HIVEP1: variants seen among roughly 807,000 people sequenced by gnomAD.
HIVEP1 encodes the protein HIVEP zinc finger 1, also known as zinc finger protein 40.
A neutral mutation model predicts 180.0 loss-of-function variants in HIVEP1; 36 were observed. The observed-to-expected ratio is 0.20, with a 90% CI of 0.15 to 0.26. The LOEUF (loss-of-function observed/expected upper bound fraction) is 0.26. Ranked by LOEUF, HIVEP1 falls within the 10% of genes least tolerant of loss-of-function variation. HIVEP1 has a pLI of 1.00. For missense variants in HIVEP1, 3,143 were observed against 3,268.7 expected (o/e 0.96, Z 0.94); for synonymous variants, 1,239 against 1,239.0 (o/e 1.00, Z 0.00).
At chr6:12,144,575 A>T (rs1242418511) in intron 7 of HIVEP1, among the ~76,000 whole-genome samples, 1 of 152,206 alleles carries the variant, frequency 6.6e-6, no homozygotes, top group African/African-American at 2.4e-5. Flanking sequence ...CTACCATCAG[A>T]GTGAACAGGC....
At chr6:12,129,957 C>A in intron 5 of HIVEP1, 65 bp downstream of exon 5, 1 of 1,149,326 alleles carries the variant, frequency 8.7e-7, no homozygotes, top group Non-Finnish European at 1.3e-6. Context: ...CATTTGCTTT[C>A]ATGTGAATGA....
At chr6:12,190,302 T>A in the HIVEP1 span, among the ~76,000 whole-genome samples, 1 of 152,230 alleles carries the variant, frequency 6.6e-6, no homozygotes, top group Admixed American at 6.5e-5. Context: ...AATAAGCGGG[T>A]AGAAACATTT....
chr6:12,191,823 C>G, the HIVEP1 span, among the ~76,000 whole-genome samples: 1 of 152,072 alleles, frequency 6.6e-6, no homozygotes, highest in Non-Finnish European at 1.5e-5. Context: ...ATGCTCACTA[C>G]GAAAACACAA....
the HIVEP1 span, among the ~76,000 whole-genome samples, chr6:12,190,577 G>A: frequency 6.6e-6 from 1 of 151,964 alleles, no homozygotes; most frequent in Non-Finnish European, 1.5e-5. Flanking sequence ...TATTCTTTTG[G>A]CTTTGGTGGT....
At chr6:12,175,824 T>C in the HIVEP1 span, among the ~76,000 whole-genome samples, 1 of 152,184 alleles carries the variant, frequency 6.6e-6, no homozygotes, top group Non-Finnish European at 1.5e-5. Context: ...GAGATCTTTG[T>C]AGATGACGCG....
At chr6:12,059,991 T>C (rs974572653) in intron 2 of HIVEP1, among the ~76,000 whole-genome samples, 2 of 152,216 alleles carry the variant, frequency 1.3e-5, no homozygotes, top group Non-Finnish European at 2.9e-5. Context: ...CTTGTATTGT[T>C]TTTCATGTAA....
intron 7 of HIVEP1, among the ~76,000 whole-genome samples, chr6:12,136,952 A>C (rs540283016): frequency 6.6e-6 from 1 of 152,238 alleles, no homozygotes; most frequent in Non-Finnish European, 1.5e-5. Context: ...CGTGCTTGCT[A>C]TATTTTTCTT....
At chr6:12,182,903 G>A in the HIVEP1 span, among the ~76,000 whole-genome samples, 262 of 152,222 alleles carry the variant, frequency 1.7e-3, 4 homozygotes, top group South Asian at 6.2e-4. Flanking sequence ...AGGATGTGGC[G>A]TCCAATCACA....
At chr6:12,159,053 TC>T (rs1393087045) in intron 7 of HIVEP1, among the ~76,000 whole-genome samples, 1 of 150,958 alleles carries the variant, frequency 6.6e-6, no homozygotes, top group Non-Finnish European at 1.5e-5. Flanking sequence ...TGAGCGGGAC[TC>T]CCCTGACTGG....
the HIVEP1 span, among the ~76,000 whole-genome samples, chr6:12,209,484 T>G: frequency 6.6e-6 from 1 of 152,206 alleles, no homozygotes; most frequent in Non-Finnish European, 1.5e-5. Context: ...CCCAGCACCC[T>G]ATATAATGTA....
chr6:12,142,252 A>G (rs961341072), intron 7 of HIVEP1, among the ~76,000 whole-genome samples: 4 of 152,354 alleles, frequency 2.6e-5, no homozygotes, highest in Non-Finnish European at 4.4e-5. Flanking sequence ...GCACAACTAC[A>G]TGGAAACTGA....
chr6:12,117,107 T>A (rs1361257494), intron 3 of HIVEP1, among the ~76,000 whole-genome samples: 2 of 152,014 alleles, frequency 1.3e-5, no homozygotes, highest in Non-Finnish European at 2.9e-5. Flanking sequence ...AAAAACCTTT[T>A]CCCTAAATAA....
chr6:12,207,584 A>G, the HIVEP1 span, among the ~76,000 whole-genome samples: 1 of 152,058 alleles, frequency 6.6e-6, no homozygotes, highest in Admixed American at 6.6e-5. Flanking sequence ...CACCAGCAGA[A>G]GGTCTGATAC....
At chr6:12,155,263 C>G (rs1284856239) in intron 7 of HIVEP1, among the ~76,000 whole-genome samples, 1 of 151,710 alleles carries the variant, frequency 6.6e-6, no homozygotes, top group East Asian at 1.9e-4. Flanking sequence ...TTTTTTTCTT[C>G]AACTTCTAAG....
chr6:12,136,184 T>A (rs192857821), intron 7 of HIVEP1, among the ~76,000 whole-genome samples: 2 of 152,206 alleles, frequency 1.3e-5, no homozygotes, highest in African/African-American at 2.4e-5. Flanking sequence ...ATGTGAACAC[T>A]TGACCTTGAT....
At chr6:12,061,253 A>C (rs1406831249) in intron 2 of HIVEP1, among the ~76,000 whole-genome samples, 1 of 152,238 alleles carries the variant, frequency 6.6e-6, no homozygotes, top group Non-Finnish European at 1.5e-5. Context: ...ATGTGATTTG[A>C]TGAAAAGAGT....
chr6:12,185,465 C>A, the HIVEP1 span, among the ~76,000 whole-genome samples: 1 of 152,182 alleles, frequency 6.6e-6, no homozygotes, highest in East Asian at 1.9e-4. Context: ...CTGAGTTGAA[C>A]TGGGACACTG....
At chr6:12,118,655 A>G (rs1327874233) in intron 3 of HIVEP1, among the ~76,000 whole-genome samples, 2 of 152,182 alleles carry the variant, frequency 1.3e-5, no homozygotes, top group East Asian at 3.8e-4. Flanking sequence ...AAACATAGCC[A>G]TTGAATATTT....
At chr6:12,177,057 G>A in the HIVEP1 span, among the ~76,000 whole-genome samples, 35,945 of 152,084 alleles carry the variant, frequency 0.24, 4,912 homozygotes, top group Non-Finnish European at 0.31. Flanking sequence ...GCAAACTAAC[G>A]CAGGAACAGA....
Sources: gnomAD v4.1 joint callset for allele counts (sites outside exome capture counted in the v4.1 genomes callset) on GRCh38, gnomAD v4.1.1 for gene constraint, MANE v1.5 for transcripts, NCBI Gene and HGNC (gene_info 2026-07-23, HGNC 2026-07-21) for gene names.